The following PRRC2C variants were observed in gnomAD, a reference collection of about 807,000 sequenced individuals.
PRRC2C encodes the protein protein PRRC2C.
PRRC2C carries 72 observed loss-of-function variants against 317.2 expected under a neutral mutation model. That is an observed-to-expected ratio of 0.23 (90% CI 0.19 to 0.28). The LOEUF (loss-of-function observed/expected upper bound fraction) is 0.28. Ranked by LOEUF, PRRC2C falls within the 10% of genes least tolerant of loss-of-function variation. The probability of loss-of-function intolerance (pLI) is 1.00; values close to 1 mark genes in which losing one functional copy is unlikely to be tolerated. For missense variants in PRRC2C, 3,074 were observed against 3,459.7 expected, an observed-to-expected ratio of 0.89 and a Z score of 2.80; for synonymous variants, 1,296 against 1,205.9, an observed-to-expected ratio of 1.07 and a Z score of -1.55.
intron 30 of PRRC2C, among the ~76,000 whole-genome samples, chr1:171,586,299 C>T (rs1168533276): frequency 2.0e-5 from 3 of 150,532 alleles, no homozygotes; most frequent in Non-Finnish European, 3.0e-5. Context: ...CCATGTTGGC[C>T]AGGCTGGTCT....
rs1372012890 is a variant in PRRC2C, at chr1:171,540,900, G to A, written c.3434G>A (p.Ser1145Asn). 6.2e-7 allele frequency: 1 copy of A among 1,613,758 alleles called. No homozygotes were observed. The highest frequency in any genetic ancestry group is 1.7e-5 in the Admixed American group (1 of 59,978). ...KEEKQPEKVI[S>N]KDLVIERPRP... is the part of the protein sequence containing the mutation. ...GAAAAACAACCTGAGAAAGTCATCA[G>A]CAAAGACCTTGTTATAGAGAGGCCT... Residue 1145 changes from serine (S) to asparagine (N), a missense_variant, in exon 16 of 35, where the codon AGC becomes AAC. Ser to Asn is a conservative substitution (Grantham distance 46). Coordinates refer to ENST00000647382, the MANE Select transcript of PRRC2C (RefSeq NM_001387844.1).
intron 6 of PRRC2C, among the ~76,000 whole-genome samples, chr1:171,519,702 C>T (rs945409501): frequency 1.3e-5 from 2 of 152,134 alleles, no homozygotes; most frequent in African/African-American, 4.8e-5. Flanking sequence ...ACTCATTACT[C>T]TCATAGGAAA....
intron 19 of PRRC2C, 147 bp from the exon 20 acceptor site, chr1:171,560,871 A>C (rs1682551301): frequency 2.8e-6 from 2 of 717,274 alleles, no homozygotes; most frequent in Non-Finnish European, 5.0e-6. Context: ...ATACATAATA[A>C]TCTTTGTAAG....
intron 22 of PRRC2C, among the ~76,000 whole-genome samples, chr1:171,567,514 A>G (rs532734846): frequency 1.2e-4 from 18 of 152,340 alleles, no homozygotes; most frequent in African/African-American, 4.3e-4. Flanking sequence ...AGCTGAATTC[A>G]TATAAGTAAT....
In PRRC2C at chr1:171,532,574, A is replaced by C. The variant is rs1188599817; in HGVS notation, c.1486A>C (p.Ile496Leu). Residue 496 changes from isoleucine to leucine, a missense_variant, in exon 12 of 35, where the codon ATC becomes CTC. Coordinates refer to ENST00000647382, the MANE Select transcript of PRRC2C (RefSeq NM_001387844.1). ...GAAACGATTGGATGAGAAGCTTGGC[A>C]TCCTGGAAAAACAACCATCTCCAGA... ...KLKRLDEKLG[I>L]LEKQPSPEEI... 1 of 1,567,800 alleles carries C rather than the reference A, an allele frequency of 6.4e-7. No homozygotes were observed. The highest frequency in any genetic ancestry group is 8.6e-7 in the Non-Finnish European group (1 of 1,156,224).
intron 1 of PRRC2C, among the ~76,000 whole-genome samples, chr1:171,498,420 A>G (rs964730578): frequency 3.3e-5 from 5 of 152,194 alleles, no homozygotes; most frequent in Non-Finnish European, 7.3e-5. Context: ...CAGCCCTTTC[A>G]TAAGGCACAC....
chr1:171,588,341 G>A, intron 32 of PRRC2C, 38 bp from the exon 33 acceptor site: 1 of 1,596,556 alleles, frequency 6.3e-7, no homozygotes, highest in Non-Finnish European at 8.5e-7. Flanking sequence ...TTATTTACTT[G>A]GTATTACTAT....
intron 26 of PRRC2C, among the ~76,000 whole-genome samples, chr1:171,578,590 A>G (rs1418138230): frequency 6.6e-6 from 1 of 151,916 alleles, no homozygotes; most frequent in East Asian, 1.9e-4. Flanking sequence ...CGAGTCAGCT[A>G]GGCACCGTGG....
chr1:171,486,208 G>A (rs1571496421), intron 1 of PRRC2C, among the ~76,000 whole-genome samples: 1 of 151,526 alleles, frequency 6.6e-6, no homozygotes, highest in East Asian at 1.9e-4. Flanking sequence ...TGTGTAGTGA[G>A]GGTGGGACTT....
At chr1:171,551,507 T>G (rs1296604125) in intron 18 of PRRC2C, among the ~76,000 whole-genome samples, 1 of 152,352 alleles carries the variant, frequency 6.6e-6, no homozygotes, top group East Asian at 1.9e-4. Flanking sequence ...TGCCATTGCT[T>G]TTGGTATTTT....
chr1:171,566,937 C>T (rs760947568), intron 22 of PRRC2C, 94 bp downstream of exon 22: 108 of 1,338,026 alleles, frequency 8.1e-5, no homozygotes, highest in Non-Finnish European at 1.0e-4. Context: ...TTTTTTCCTG[C>T]TGAGGCATAT....
At chr1:171,518,481 CAATTTTTTTTCA>C (rs1557899700) in intron 6 of PRRC2C, among the ~76,000 whole-genome samples, 2 of 121,694 alleles carry the variant, frequency 1.6e-5, no homozygotes, top group Admixed American at 9.2e-5. Context: ...AATTTTTTTT[CAATTTTTTTTCA>C]ATTTTTTTTT....
rs761618411 is a variant in PRRC2C at position 171,540,526 on chromosome 1, A to G, written c.3060A>G (p.Lys1020=). The part of the protein sequence containing the change: ...RPVRRSGPIK[K]PVLRDMKEER... ...TGAGAAGATCAGGTCCCATTAAAAA[A>G]CCTGTACTTAGAGATATGAAAGAGG... Residue 1020 remains lysine (K), a synonymous_variant, in exon 16 of 35, where the codon AAA becomes AAG. Transcript: ENST00000647382. 3 of 1,613,292 alleles carry G rather than the reference A, an allele frequency of 1.9e-6. No individual in the cohort carries two copies. Among genetic ancestry groups the G allele is most frequent in the African/African-American group, 1.3e-5 (1 of 74,762 alleles).
Position 171,517,781 on chromosome 1 carries a change from C to T in PRRC2C, c.717C>T (p.Leu239=), listed in dbSNP as rs557473059. 1.3e-5 allele frequency: 21 copies of T among 1,613,374 alleles called. No individual in the cohort carries two copies. The highest frequency in any genetic ancestry group is 1.7e-5 in the Admixed American group (1 of 59,986). The change falls in exon 6 of 35, where the codon CTC becomes CTT. Residue 239 remains leucine (L), a synonymous_variant. Coordinates refer to ENST00000647382, the MANE Select transcript of PRRC2C (RefSeq NM_001387844.1). ...QAKLNGQQAA[L]ASQYRAMMPP... is the part of the protein sequence containing the mutation. The stretch of plus-strand genomic sequence containing the variant: ...AACTGAATGGACAGCAGGCTGCTCT[C>T]GCTTCCCAGTATAGAGCTATGATGC...
rs569519977 is a variant in PRRC2C at position 171,547,699 on chromosome 1, G to A, written c.4972+2012G>A. 1.3e-4 allele frequency among the ~76,000 whole-genome samples: 19 copies of A among 146,504 alleles called. 1 individual carries two copies. The highest frequency in any genetic ancestry group is 4.3e-4 in the African/African-American group (17 of 39,504). ...TGCTCTGTCCCCCAGGCTGGAAGGC[G>A]GTGGTGTAATCTCAGCTCACTGCAA... is the stretch of plus-strand genomic sequence containing the variant. On this transcript the variant is annotated intron_variant, in intron 17 of 34. Transcript: ENST00000647382.
intron 18 of PRRC2C, among the ~76,000 whole-genome samples, chr1:171,556,021 C>G (rs1020272589): frequency 3.9e-5 from 6 of 152,006 alleles, no homozygotes; most frequent in African/African-American, 1.4e-4. Context: ...TGCCCTGCCC[C>G]CAGAGCATAC....
chr1:171,535,660 GGAAATTAGACATAAAACT>G (rs1200587292), intron 13 of PRRC2C, 63 bp downstream of exon 13: 2 of 1,512,698 alleles, frequency 1.3e-6, no homozygotes, highest in Non-Finnish European at 1.8e-6. Context: ...CAGTAGTCTG[GGAAATTAGACATAAAACT>G]GATAATACGT....
At chr1:171,551,537 A>T (rs563422292) in intron 18 of PRRC2C, among the ~76,000 whole-genome samples, 1 of 152,082 alleles carries the variant, frequency 6.6e-6, no homozygotes, top group African/African-American at 2.4e-5. Context: ...GTCCTTTCCC[A>T]TGCCTATATC....
intron 16 of PRRC2C, among the ~76,000 whole-genome samples, chr1:171,542,704 A>G (rs1378208791): frequency 6.6e-6 from 1 of 152,200 alleles, no homozygotes; most frequent in Non-Finnish European, 1.5e-5. Flanking sequence ...CATAATTGCC[A>G]TGGCAATGGA....
Sources: allele counts gnomAD v4.1 joint callset (sites outside exome capture counted in the v4.1 genomes callset), GRCh38; gene constraint gnomAD v4.1.1; transcripts MANE v1.5; gene names NCBI Gene and HGNC (gene_info 2026-07-23, HGNC 2026-07-21).